Variants in NELFCD observed in about 807,000 individuals in gnomAD.
The protein encoded by NELFCD is negative elongation factor complex member C/D.
Under a neutral mutation model 72.9 loss-of-function variants are expected in NELFCD, and 48 were observed. The observed-to-expected ratio is 0.66, with a 90% CI of 0.52 to 0.84. NELFCD has a LOEUF of 0.84. Ranked by LOEUF, NELFCD falls within the 40% of genes least tolerant of loss-of-function variation. The probability of loss-of-function intolerance (pLI) is 0.00; values close to 1 mark genes in which losing one functional copy is unlikely to be tolerated. For missense variants in NELFCD, 538 were observed against 723.8 expected (o/e 0.74, Z 2.94); for synonymous variants, 297 against 280.6 (o/e 1.06, Z -0.59).
Position 58,993,239 on chromosome 20 carries a change from T to C in NELFCD, c.1344+127T>C. 1 of 879,130 alleles carries C rather than the reference T, an allele frequency of 1.1e-6. No individual in the cohort carries two copies. The highest frequency in any genetic ancestry group is 2.6e-4 in the Middle Eastern group (1 of 3,838). 54.5% of individuals were successfully genotyped at this position (879,130 alleles called of 1,614,324 possible). A position where few individuals can be genotyped will look rare whatever the true frequency, so the allele number is the denominator to read the frequency against. The stretch of plus-strand genomic sequence containing the variant: ...TTCTCAAAAATAGTTATTTCTGTCC[T>C]GAGGATTTTCCTCTTAAGGACCTAG... On this transcript the variant is annotated intron_variant, in intron 11 of 14. Coordinates refer to ENST00000652272, the MANE Select transcript of NELFCD (RefSeq NM_198976.4). The surrounding 1 kb of genome is among the most constrained non-coding windows in gnomAD (Gnocchi z 5.0).
intron 7 of NELFCD, chr20:58,990,400 CAAA>C (rs34301819): frequency 3.2e-4 from 40 of 123,402 alleles, no homozygotes; most frequent in South Asian, 9.9e-4. Flanking sequence ...AACTCTGTCT[CAAA>C]AAAAAAAAAA....
intron 3 of NELFCD, chr20:58,987,396 G>T (rs997412128): frequency 5.6e-6 from 2 of 359,804 alleles, no homozygotes; most frequent in Non-Finnish European, 1.0e-5. Context: ...CCTCCTCACT[G>T]GGCAGGGATG....
At position 58,993,015 on chromosome 20, in the gene NELFCD, T is replaced by G; in HGVS notation, c.1247T>G (p.Met416Arg). Residue 416 changes from methionine to arginine, a missense_variant, in exon 11 of 15, where the codon ATG (methionine) becomes AGG (arginine). Met to Arg is a moderately conservative substitution (Grantham distance 91, BLOSUM62 -1). Coordinates refer to ENST00000652272, the MANE Select transcript of NELFCD (RefSeq NM_198976.4). The surrounding 1 kb of genome is among the most constrained non-coding windows in gnomAD (Gnocchi z 5.0). Reference sequence around the variant, plus strand: ...AACTGTAGGTTTCCAGTGGTAGCAATGGGTGTGCTGAAGTGGGTGGATTGG... The same window carrying G: ...AACTGTAGGTTTCCAGTGGTAGCAAGGGGTGTGCTGAAGTGGGTGGATTGG... ...YQCIRFPVVA[M>R]GVLKWVDWTV... 1 of 1,613,912 alleles carries G rather than the reference T, an allele frequency of 6.2e-7. No homozygotes were observed. The highest frequency in any genetic ancestry group is 8.5e-7 in the Non-Finnish European group (1 of 1,179,806).
chr20:58,992,434 AG>A (rs2091824080), intron 10 of NELFCD, among the ~76,000 whole-genome samples: 1 of 152,222 alleles, frequency 6.6e-6, no homozygotes, highest in Non-Finnish European at 1.5e-5. Context: ...ATGAAGAAAG[AG>A]TTTGCTAAAT....
chr20:58,988,984 C>T lies in NELFCD; in HGVS notation c.467C>T (p.Ala156Val), dbSNP rs1262686512. Residue 156 changes from alanine (A) to valine (V), a missense_variant, in exon 5 of 15, where the codon GCC (alanine) becomes GTC (valine). Ala to Val is a moderately conservative substitution (Grantham distance 64, BLOSUM62 0). Around this residue, in one of 3 missense-constraint regions of NELFCD, gnomAD observed 355 missense variants for 534.5 expected, o/e 0.66. Transcript: ENST00000652272. ...GACCTTTTTTATAAACTGGCTGAAG[C>T]CCATCCAGACTGTTTGATGCTGAAC... ...WRDLFYKLAE[A>V]HPDCLMLNFT... 6.2e-7 allele frequency: 1 copy of T among 1,613,796 alleles called. No homozygotes were observed. Among genetic ancestry groups the T allele is most frequent in the African/African-American group, 1.3e-5 (1 of 74,904 alleles).
At chr20:58,982,729 G>C (rs1281389919) in intron 1 of NELFCD, among the ~76,000 whole-genome samples, 3 of 152,144 alleles carry the variant, frequency 2.0e-5, no homozygotes, top group Non-Finnish European at 4.4e-5. Flanking sequence ...GCTGCTGAAT[G>C]GTATGGCTTG....
At chr20:58,994,006 G>C in intron 13 of NELFCD, 104 bp from the exon 14 acceptor site, 1 of 1,385,660 alleles carries the variant, frequency 7.2e-7, no homozygotes, top group East Asian at 2.3e-5. Flanking sequence ...CGGCCGGTGG[G>C]GGTGGGGAGG....
chr20:58,991,720 G>A, intron 9 of NELFCD, 161 bp from the exon 10 acceptor site: 2 of 833,444 alleles, frequency 2.4e-6, no homozygotes, highest in Non-Finnish European at 3.7e-6. Context: ...TTGCTTTTCA[G>A]TTTCTGTACA....
intron 7 of NELFCD, 105 bp from the exon 8 acceptor site, chr20:58,990,804 TG>T: frequency 9.8e-7 from 1 of 1,022,278 alleles, no homozygotes. Context: ...TACTCGTGAA[TG>T]ACAGAAAAAC....
intron 10 of NELFCD, among the ~76,000 whole-genome samples, chr20:58,992,314 T>A (rs1601217890): frequency 6.6e-6 from 1 of 152,188 alleles, no homozygotes; most frequent in East Asian, 1.9e-4. Context: ...GCCCACAAAG[T>A]ATTGCTTACA....
chr20:58,991,551 A>G, intron 9 of NELFCD, 105 bp downstream of exon 9: 2 of 1,286,042 alleles, frequency 1.6e-6, no homozygotes, highest in Non-Finnish European at 2.2e-6. Flanking sequence ...GACCCTCCCT[A>G]GTATCAGGCA....
intron 4 of NELFCD, 151 bp from the exon 5 acceptor site, chr20:58,988,763 T>C: frequency 5.0e-6 from 3 of 597,768 alleles, no homozygotes; most frequent in Middle Eastern, 4.5e-4. Flanking sequence ...ACTGTGTGGC[T>C]GTGGCCAGCT....
intron 7 of NELFCD, 191 bp from the exon 8 acceptor site, chr20:58,990,715 CCTTT>C (rs2091809685): frequency 1.8e-6 from 1 of 544,968 alleles, no homozygotes; most frequent in Non-Finnish European, 3.2e-6. Context: ...GTGTGTGACT[CCTTT>C]CTTATAGAGC....
Position 58,986,863 on chromosome 20 carries a change from G to C in NELFCD, c.286G>C (p.Gly96Arg). 1 of 1,608,920 alleles carries C rather than the reference G, an allele frequency of 6.2e-7. No homozygotes were observed. Among genetic ancestry groups the C allele is most frequent in the Non-Finnish European group, 8.5e-7 (1 of 1,175,666 alleles). ...GCTGGCCGAGTGGCTCATTCAGACA[G>C]GTGCTTTGTGGGTGTCCCCTGTCCT... ...NLLAEWLIQT[G>R]VEPVQVQETV... The change falls in exon 3 of 15, where the codon GGT becomes CGT. Residue 96 changes from glycine to arginine, a missense_variant and splice_region_variant. This residue lies in a region of NELFCD where 355 missense variants were observed against 534.5 expected (regional missense o/e 0.66). Coordinates refer to ENST00000652272, the MANE Select transcript of NELFCD (RefSeq NM_198976.4). This position sits in a 1 kb window ranked among gnomAD's most constrained non-coding sequence, Gnocchi z 4.4.
intron 1 of NELFCD, among the ~76,000 whole-genome samples, chr20:58,981,803 GA>G (rs1417227307): frequency 3.3e-5 from 5 of 152,332 alleles, no homozygotes; most frequent in South Asian, 4.1e-4. Flanking sequence ...GCATCATGAG[GA>G]AAAAGTAGAA....
chr20:58,984,286 A>G (rs964895906), intron 1 of NELFCD, among the ~76,000 whole-genome samples: 3 of 152,112 alleles, frequency 2.0e-5, no homozygotes, highest in Non-Finnish European at 2.9e-5. Flanking sequence ...TTTTTTCCTG[A>G]AGGAGATGGG....
rs748848393 is a variant in NELFCD, at chr20:58,986,888, T to A, written c.286+25T>A. On this transcript the variant is annotated intron_variant, in intron 3 of 14. Transcript: ENST00000652272. This position sits in a 1 kb window ranked among gnomAD's most constrained non-coding sequence, Gnocchi z 4.4. ...GGTGCTTTGTGGGTGTCCCCTGTCC[T>A]GGCTAGTTACCCCCACTTTTTTAAA... 6.7e-7 allele frequency: 1 copy of A among 1,485,142 alleles called. No homozygotes were observed. Among genetic ancestry groups the A allele is most frequent in the Admixed American group, 1.9e-5 (1 of 53,762 alleles). The allele number at this position is 1,485,142 out of a possible 1,614,324, so 92.0% of individuals were successfully genotyped here. A position where few individuals can be genotyped will look rare whatever the true frequency, so the allele number is the denominator to read the frequency against.
intron 1 of NELFCD, among the ~76,000 whole-genome samples, chr20:58,983,307 T>A (rs2091749977): frequency 6.6e-6 from 1 of 152,034 alleles, no homozygotes; most frequent in Non-Finnish European, 1.5e-5. Flanking sequence ...CGGCTAATTT[T>A]TGTATTTTAG....
intron 1 of NELFCD, among the ~76,000 whole-genome samples, chr20:58,982,786 G>A (rs1279985911): frequency 3.3e-5 from 5 of 152,162 alleles, no homozygotes; most frequent in Admixed American, 3.3e-4. Context: ...TTGCATGTTG[G>A]ATCATTTCAC....
Sources: allele counts gnomAD v4.1 joint callset (sites outside exome capture counted in the v4.1 genomes callset), GRCh38; gene constraint gnomAD v4.1.1; regional missense constraint gnomAD v4.1.1; non-coding constraint Gnocchi (gnomAD v3.1); transcripts MANE v1.5; gene names NCBI Gene and HGNC (gene_info 2026-07-23, HGNC 2026-07-21).